The following IL1R1 variants were observed in gnomAD, a reference collection of about 807,000 sequenced individuals.
IL1R1 encodes interleukin 1 receptor type 1, also known as interleukin-1 receptor type 1.
A neutral mutation model predicts 50.2 loss-of-function variants in IL1R1; 22 were observed. The observed-to-expected ratio is 0.44, with a 90% CI of 0.31 to 0.63. The LOEUF (loss-of-function observed/expected upper bound fraction) is 0.63, where lower values mean the gene tolerates loss of function less well. Ranked by LOEUF, IL1R1 falls within the 20% of genes least tolerant of loss-of-function variation. IL1R1 has a pLI of 0.07. For missense variants in IL1R1, 509 were observed against 676.2 expected (o/e 0.75, Z 2.74); for synonymous variants, 251 against 236.7 (o/e 1.06, Z -0.55).
At chr2:102,121,295 C>T (rs1315742577) in intron 1 of IL1R1, among the ~76,000 whole-genome samples, 1 of 152,212 alleles carries the variant, frequency 6.6e-6, no homozygotes, top group Non-Finnish European at 1.5e-5. Context: ...CCTCTGGTTT[C>T]TCTCGCAACT....
chr2:102,121,251 C>A (rs184204118), intron 1 of IL1R1, among the ~76,000 whole-genome samples: 1 of 152,198 alleles, frequency 6.6e-6, no homozygotes, highest in African/African-American at 2.4e-5. Flanking sequence ...GTCCGCCCCC[C>A]AACCCCCTGG....
chr2:102,111,433 C>T (rs988883455), intron 1 of IL1R1, among the ~76,000 whole-genome samples: 6 of 152,200 alleles, frequency 3.9e-5, no homozygotes, highest in Non-Finnish European at 7.3e-5. Context: ...ATACGTTCTA[C>T]GTCTCTCTGG....
intron 1 of IL1R1, among the ~76,000 whole-genome samples, chr2:102,093,759 G>T (rs1045700278): frequency 2.6e-5 from 4 of 152,122 alleles, no homozygotes; most frequent in African/African-American, 7.2e-5. Context: ...GGTGTCAGCC[G>T]CCCCACTCCC....
chr2:102,076,378 C>T (rs770812155), intron 1 of IL1R1, among the ~76,000 whole-genome samples: 3 of 152,150 alleles, frequency 2.0e-5, no homozygotes, highest in African/African-American at 4.8e-5. Flanking sequence ...GGGGTTTCAC[C>T]GTGTTAGCCA....
intron 1 of IL1R1, among the ~76,000 whole-genome samples, chr2:102,108,226 GTA>G (rs1311447812): frequency 4.9e-5 from 6 of 121,374 alleles, no homozygotes; most frequent in Non-Finnish European, 1.7e-5. Flanking sequence ...GTGTGTGTAT[GTA>G]TGTGTGTGTG....
At chr2:102,109,842 A>T (rs1346361350) in intron 1 of IL1R1, among the ~76,000 whole-genome samples, 1 of 152,202 alleles carries the variant, frequency 6.6e-6, no homozygotes, top group Non-Finnish European at 1.5e-5. Context: ...GAGATGGAGT[A>T]TGGTGAGTGC....
intron 1 of IL1R1, among the ~76,000 whole-genome samples, chr2:102,107,045 T>A (rs536594760): frequency 3.3e-4 from 50 of 152,270 alleles, no homozygotes; most frequent in African/African-American, 1.2e-3. Context: ...ATGGGCATTT[T>A]AAAAACTCTA....
intron 1 of IL1R1, among the ~76,000 whole-genome samples, chr2:102,076,131 A>G (rs572256779): frequency 1.3e-5 from 2 of 151,916 alleles, no homozygotes; most frequent in African/African-American, 2.4e-5. Flanking sequence ...ATTAATAAAA[A>G]TATCTTACTT....
intron 7 of IL1R1, among the ~76,000 whole-genome samples, chr2:102,169,627 G>A (rs551274705): frequency 6.6e-6 from 1 of 152,330 alleles, no homozygotes; most frequent in East Asian, 1.9e-4. Context: ...CAGCAGTCAA[G>A]AACCATACAG....
chr2:102,074,494 T>C (rs764548794), intron 1 of IL1R1, among the ~76,000 whole-genome samples: 2 of 152,200 alleles, frequency 1.3e-5, no homozygotes, highest in Non-Finnish European at 2.9e-5. Flanking sequence ...TTGGGGCTCC[T>C]AAAAGTGCAG....
At chr2:102,157,854 T>C in intron 3 of IL1R1, 69 bp downstream of exon 3, 1 of 1,003,448 alleles carries the variant, frequency 1.0e-6, no homozygotes, top group South Asian at 1.3e-5. Context: ...ATGAAGTACC[T>C]TCCCTAACAG....
At chr2:102,073,374 C>T (rs1678822355) in intron 1 of IL1R1, among the ~76,000 whole-genome samples, 1 of 152,144 alleles carries the variant, frequency 6.6e-6, no homozygotes, top group South Asian at 2.1e-4. Context: ...AGGCAAAGTG[C>T]TGACTGTGAA....
intron 3 of IL1R1, among the ~76,000 whole-genome samples, chr2:102,163,862 G>A (rs3917277): frequency 1.4e-4 from 22 of 152,238 alleles, no homozygotes; most frequent in African/African-American, 5.1e-4. Context: ...CCACATGATT[G>A]TTACTTGGAA....
intron 11 of IL1R1, 70 bp downstream of exon 11, chr2:102,175,715 T>C: frequency 6.9e-7 from 1 of 1,444,416 alleles, no homozygotes; most frequent in Non-Finnish European, 9.8e-7. Flanking sequence ...GGATTCCATC[T>C]TTCTAGAAGA....
intron 1 of IL1R1, among the ~76,000 whole-genome samples, chr2:102,107,642 A>C (rs1047714013): frequency 5.3e-5 from 8 of 151,842 alleles, no homozygotes; most frequent in African/African-American, 1.9e-4. Flanking sequence ...AAAGTATCAC[A>C]ATAAATAAAA....
At chr2:102,071,083 T>C (rs1009006478) in intron 1 of IL1R1, among the ~76,000 whole-genome samples, 1 of 152,166 alleles carries the variant, frequency 6.6e-6, no homozygotes, top group African/African-American at 2.4e-5. Flanking sequence ...CTAGGCATCA[T>C]TATGTGTTAT....
chr2:102,119,949 C>T (rs1292241284), intron 1 of IL1R1, among the ~76,000 whole-genome samples: 5 of 152,074 alleles, frequency 3.3e-5, no homozygotes, highest in Admixed American at 3.3e-4. Flanking sequence ...TACCATTTCC[C>T]CCTTCCCTCC....
chr2:102,138,470 A>G (rs1477588831), upstream of IL1R1, among the ~76,000 whole-genome samples: 2 of 152,210 alleles, frequency 1.3e-5, no homozygotes, highest in Non-Finnish European at 2.9e-5. Flanking sequence ...GTCTTATGAA[A>G]TATGTCACAC....
chr2:102,078,249 A>G lies in IL1R1; in HGVS notation c.-84+7716A>G, dbSNP rs559563137. Among the ~76,000 whole-genome samples the G allele has an allele frequency of 2.0e-5, 3 of 152,240 alleles. No homozygotes were observed. In the East Asian group the frequency reaches 5.8e-4, roughly 29 times the overall value. On this transcript the variant is annotated intron_variant, in intron 1 of 11. Coordinates refer to the IL1R1 transcript ENST00000409929. ...GATAAAATGGGGAATAGAAAAAAAT[A>G]GAGAAAATCAACAAACCAAATGTAG...
Sources: gnomAD v4.1 joint callset for allele counts (sites outside exome capture counted in the v4.1 genomes callset) on GRCh38, gnomAD v4.1.1 for gene constraint, MANE v1.5 for transcripts, NCBI Gene and HGNC (gene_info 2026-07-23, HGNC 2026-07-21) for gene names.